Variants in RGSL1 observed in about 807,000 individuals in gnomAD.
The protein encoded by RGSL1 is regulator of G protein signaling protein-like.
A neutral mutation model predicts 124.7 loss-of-function variants in RGSL1; 97 were observed. The observed-to-expected ratio is 0.78, with a 90% CI of 0.66 to 0.92. The LOEUF is 0.92. RGSL1 is among the 40% of genes least tolerant of loss of function. The pLI, the probability that RGSL1 is intolerant of heterozygous loss-of-function variation, is 0.00. For missense variants in RGSL1, 1,233 were observed against 1,288.4 expected, an observed-to-expected ratio of 0.96 and a Z score of 0.66; for synonymous variants, 424 against 438.1, an observed-to-expected ratio of 0.97 and a Z score of 0.40.
At chr1:182,558,092 A>T (rs1660966787) in intron 21 of RGSL1, among the ~76,000 whole-genome samples, 1 of 152,230 alleles carries the variant, frequency 6.6e-6, no homozygotes, top group South Asian at 2.1e-4. Context: ...GGAAGGAAGG[A>T]AAAAAGTGAG....
intron 6 of RGSL1, among the ~76,000 whole-genome samples, chr1:182,479,802 G>A (rs575204359): frequency 1.3e-4 from 20 of 152,276 alleles, no homozygotes; most frequent in African/African-American, 4.6e-4. Flanking sequence ...GATATTTTAT[G>A]CAAGTGGTAA....
At chr1:182,464,003 G>A (rs1277239620) in intron 4 of RGSL1, among the ~76,000 whole-genome samples, 1 of 152,100 alleles carries the variant, frequency 6.6e-6, no homozygotes, top group Non-Finnish European at 1.5e-5. Context: ...AACATACAAA[G>A]TATCTTCTCT....
At position 182,531,026 on chromosome 1, in the gene RGSL1, A is replaced by G. The variant is rs112495271; in HGVS notation, c.2364+116A>G. 2,357 of 1,221,368 alleles carry G rather than the reference A, an allele frequency of 1.9e-3. 25 individuals carry two copies. In the African/African-American group the frequency reaches 0.023, roughly 12 times the overall value. 75.7% of individuals were successfully genotyped at this position (1,221,368 alleles called of 1,614,324 possible). A position where few individuals can be genotyped will look rare whatever the true frequency, so the allele number is the denominator to read the frequency against. On this transcript the variant is annotated intron_variant, in intron 13 of 21. Coordinates refer to ENST00000294854, the MANE Select transcript of RGSL1 (RefSeq NM_001137669.2). ...GAATCTGAGACTCAGATAAATTACT[A>G]TACTAGGAATTTAAGCAAGTCCCTC...
At chr1:182,515,574 CGTG>C (rs1657817565) in intron 9 of RGSL1, among the ~76,000 whole-genome samples, 1 of 126,124 alleles carries the variant, frequency 7.9e-6, no homozygotes, top group African/African-American at 3.1e-5. Flanking sequence ...GGGTGGAGGG[CGTG>C]GGGGAAGAAC....
chr1:182,504,155 A>G (rs1656625817), intron 9 of RGSL1, among the ~76,000 whole-genome samples: 1 of 151,688 alleles, frequency 6.6e-6, no homozygotes, highest in Non-Finnish European at 1.5e-5. Flanking sequence ...TAATTTTTGT[A>G]TTTTTAGTAG....
intron 9 of RGSL1, among the ~76,000 whole-genome samples, chr1:182,493,536 T>C (rs981185259): frequency 6.6e-6 from 1 of 152,212 alleles, no homozygotes; most frequent in Admixed American, 6.5e-5. Flanking sequence ...GAGAGGTAGA[T>C]GCTGAACTGT....
chr1:182,501,444 G>A (rs1457035823), intron 9 of RGSL1, among the ~76,000 whole-genome samples: 21 of 146,826 alleles, frequency 1.4e-4, no homozygotes, highest in Non-Finnish European at 1.8e-4. Flanking sequence ...TCAGCCTCCC[G>A]AATAGCTGGG....
At chr1:182,545,743 T>C (rs1292876243) in intron 15 of RGSL1, among the ~76,000 whole-genome samples, 1 of 152,172 alleles carries the variant, frequency 6.6e-6, no homozygotes, top group Admixed American at 6.5e-5. Flanking sequence ...GAATTTTTTC[T>C]CAAATTTTCC....
Position 182,474,033 on chromosome 1 carries a change from C to T in RGSL1, c.922C>T (p.Leu308=). Residue 308 remains leucine (L), a synonymous_variant, in exon 6 of 22, where the codon CTG becomes TTG. Transcript: ENST00000294854. ...ASSKETRISS[L]EKDMHYAKIS... The stretch of plus-strand genomic sequence containing the variant: ...TTCAAAGGAAACAAGAATCAGTTCC[C>T]TGGAAAAGGATATGCATTATGCAAA... 3.9e-6 allele frequency: 6 copies of T among 1,551,770 alleles called. No individual in the cohort carries two copies. Among genetic ancestry groups the T allele is most frequent in the South Asian group, 1.2e-5 (1 of 84,068 alleles).
At chr1:182,506,528 C>T (rs1238756042) in intron 9 of RGSL1, among the ~76,000 whole-genome samples, 1 of 151,980 alleles carries the variant, frequency 6.6e-6, no homozygotes, top group Non-Finnish European at 1.5e-5. Flanking sequence ...TAGTCTTTGT[C>T]TCCATTTTGA....
chr1:182,478,969 C>T (rs1001257745), intron 6 of RGSL1, among the ~76,000 whole-genome samples: 18 of 152,004 alleles, frequency 1.2e-4, no homozygotes, highest in African/African-American at 3.1e-4. Context: ...GGAAAACTGG[C>T]AATTGAGAAT....
intron 6 of RGSL1, among the ~76,000 whole-genome samples, chr1:182,478,097 T>G (rs1165926852): frequency 6.6e-6 from 1 of 152,192 alleles, no homozygotes; most frequent in African/African-American, 2.4e-5. Context: ...AATCCTTTTT[T>G]TGAGAGACAG....
At chr1:182,519,270 G>T (rs1165566703) in intron 9 of RGSL1, among the ~76,000 whole-genome samples, 1 of 151,962 alleles carries the variant, frequency 6.6e-6, no homozygotes, top group Non-Finnish European at 1.5e-5. Flanking sequence ...TATGTCTAAA[G>T]AATGCCCTTT....
At position 182,551,107 on chromosome 1, in the gene RGSL1, T is replaced by A; in HGVS notation, c.2941T>A (p.Phe981Ile). 1 of 1,551,492 alleles carries A rather than the reference T, an allele frequency of 6.4e-7. No individual in the cohort carries two copies. Among genetic ancestry groups the A allele is most frequent in the Non-Finnish European group, 8.7e-7 (1 of 1,146,814 alleles). ...AAGCCATTCTTCCCACAGGTTTTGTTTCTGGAAGGCAACCCGCTCTTACTT... is the reference window on the plus strand; with the variant it reads ...AAGCCATTCTTCCCACAGGTTTTGTATCTGGAAGGCAACCCGCTCTTACTT... ...VVMYFWKRFCFWKATRSYLQY... is the reference protein window; with the variant it reads ...VVMYFWKRFCIWKATRSYLQY... The change falls in exon 18 of 22, where the codon TTC (phenylalanine) becomes ATC (isoleucine). Residue 981 changes from phenylalanine (F) to isoleucine (I), a missense_variant. Transcript: ENST00000294854.
rs140172735 is a variant in RGSL1, at chr1:182,488,924, G to A, written c.1495-56G>A. Reference sequence around the variant, plus strand: ...AGCACTGAGTTATTACAAAATTATTGCTTCTGGTCTAGTTCCTGTAACAAA... The same window carrying A: ...AGCACTGAGTTATTACAAAATTATTACTTCTGGTCTAGTTCCTGTAACAAA... On this transcript the variant is annotated intron_variant, in intron 7 of 21. Coordinates refer to ENST00000294854, the MANE Select transcript of RGSL1 (RefSeq NM_001137669.2). The A allele has an allele frequency of 4.3e-3, 5,956 of 1,383,544 alleles. 30 individuals are homozygous for A. The highest frequency in any genetic ancestry group is 8.1e-3 in the Middle Eastern group (32 of 3,972). 85.7% of individuals were successfully genotyped at this position (1,383,544 alleles called of 1,614,324 possible).
chr1:182,554,375 T>G (rs963665416), intron 19 of RGSL1, among the ~76,000 whole-genome samples: 1 of 152,230 alleles, frequency 6.6e-6, no homozygotes, highest in African/African-American at 2.4e-5. Flanking sequence ...CCTAAGTCTA[T>G]GTGATTGACA....
chr1:182,474,459 C>G lies in RGSL1; in HGVS notation c.1348C>G (p.Gln450Glu). The change falls in exon 6 of 22, where the codon CAA becomes GAA. Residue 450 changes from glutamine (Q) to glutamate (E), a missense_variant. Gln to Glu is a conservative substitution (Grantham distance 29). Transcript: ENST00000294854. ...TGGTCCGTGCTTACCACTCAAATCCCAAACCATTCAGGGCCTGAAGGAACT... is the reference window on the plus strand; with the variant it reads ...TGGTCCGTGCTTACCACTCAAATCCGAAACCATTCAGGGCCTGAAGGAACT... ...QIGPCLPLKSQTIQGLKELLP... is the reference protein window; with the variant it reads ...QIGPCLPLKSETIQGLKELLP... 6.4e-7 allele frequency: 1 copy of G among 1,551,946 alleles called. No homozygotes were observed. Among genetic ancestry groups the G allele is most frequent in the Non-Finnish European group, 8.7e-7 (1 of 1,147,014 alleles).
chr1:182,489,099 C>T lies in RGSL1; in HGVS notation c.1614C>T (p.Asp538=). 6.4e-7 allele frequency: 1 copy of T among 1,551,612 alleles called. No individual in the cohort carries two copies. The highest frequency in any genetic ancestry group is 8.7e-7 in the Non-Finnish European group (1 of 1,146,990). The change falls in exon 8 of 22, where the codon GAC becomes GAT. Residue 538 remains aspartate, a synonymous_variant. Coordinates refer to ENST00000294854, the MANE Select transcript of RGSL1 (RefSeq NM_001137669.2). ...TAGAGTTAAGCCAGGCTTTGGCTGA[C>T]ATGAAGGAAATGGACTATAGGCAGT... is the stretch of plus-strand genomic sequence containing the variant. ...QSLELSQALA[D]MKEMDYRQWR... is the part of the protein sequence containing the mutation.
chr1:182,498,684 G>T (rs1196481817), intron 9 of RGSL1, among the ~76,000 whole-genome samples: 1 of 152,032 alleles, frequency 6.6e-6, no homozygotes, highest in Non-Finnish European at 1.5e-5. Context: ...TTTTTATTGT[G>T]CCATGGGCCA....
Sources: allele counts gnomAD v4.1 joint callset (sites outside exome capture counted in the v4.1 genomes callset), GRCh38; gene constraint gnomAD v4.1.1; transcripts MANE v1.5; gene names NCBI Gene and HGNC (gene_info 2026-07-23, HGNC 2026-07-21).